The following STX8 variants were observed in gnomAD, a reference collection of about 807,000 sequenced individuals.
STX8 encodes the protein syntaxin 8.
In STX8, 23 loss-of-function variants were observed where a neutral mutation model predicts 37.5. The observed-to-expected ratio is 0.61, with a 90% confidence interval of 0.44 to 0.87. The LOEUF (loss-of-function observed/expected upper bound fraction) is 0.87. STX8 is among the 40% of genes least tolerant of loss of function. STX8 has a pLI of 0.00. For synonymous variants in STX8, 115 were observed against 99.1 expected, an observed-to-expected ratio of 1.16 and a Z score of -0.95; for missense variants, 313 against 284.7, an observed-to-expected ratio of 1.10 and a Z score of -0.71.
At chr17:9,307,132 T>C (rs1007914486) in intron 7 of STX8, among the ~76,000 whole-genome samples, 9 of 152,028 alleles carry the variant, frequency 5.9e-5, no homozygotes, top group Non-Finnish European at 1.3e-4. Context: ...AAAAAATAAA[T>C]AAATAAAGTA....
chr17:9,272,291 C>A (rs964987672), intron 7 of STX8, among the ~76,000 whole-genome samples: 1 of 152,172 alleles, frequency 6.6e-6, no homozygotes, highest in African/African-American at 2.4e-5. Context: ...CCACTAAGGA[C>A]GCTGCCTTCT....
rs142285796 is a variant in STX8, at chr17:9,329,428, G to A, written c.643+49124C>T. ...TAAATCACTCGCTCTCTGGCATCAC[G>A]GCTATTTCTACAGTGCCACTTGGCT... On this transcript the variant is annotated intron_variant, in intron 7 of 7. Coordinates refer to ENST00000306357, the MANE Select transcript of STX8 (RefSeq NM_004853.3). 8.4e-3 allele frequency among the ~76,000 whole-genome samples: 1,284 copies of A among 152,282 alleles called. 11 individuals are homozygous for A. The highest frequency in any genetic ancestry group is 0.013 in the Non-Finnish European group (900 of 68,016).
At chr17:9,293,613 T>A (rs1409388997) in intron 7 of STX8, among the ~76,000 whole-genome samples, 6 of 152,130 alleles carry the variant, frequency 3.9e-5, no homozygotes, top group African/African-American at 1.2e-4. Flanking sequence ...CCAGAAAATG[T>A]TACCATAAAA....
intron 6 of STX8, among the ~76,000 whole-genome samples, chr17:9,408,246 A>T (rs1912864061): frequency 6.6e-6 from 1 of 152,182 alleles, no homozygotes; most frequent in Non-Finnish European, 1.5e-5. Flanking sequence ...TGAATGGAGG[A>T]AACAGCGCTT....
rs945273093 is a variant in STX8 at position 9,564,706 on chromosome 17, G to A, written c.117+3665C>T. Among the ~76,000 whole-genome samples, 38 of 152,180 alleles carry A rather than the reference G, an allele frequency of 2.5e-4. 1 individual carries two copies. The highest frequency in any genetic ancestry group is 2.9e-5 in the Non-Finnish European group (2 of 68,032). On this transcript the variant is annotated intron_variant, in intron 2 of 7. Coordinates refer to ENST00000306357, the MANE Select transcript of STX8 (RefSeq NM_004853.3). The stretch of plus-strand genomic sequence containing the variant: ...AACACTGCTCAAAGAAATCAGAGAT[G>A]ACACAAACAAATGGAAAAACATTCC...
rs935750582 is a variant in STX8, at chr17:9,544,249, C to A, written c.323+923G>T. Reference sequence around the variant, plus strand: ...TCATTGCCTTCTGTGATGGTTCCCACGATGAAGCTAAGGAAGTTCTAGAAA... The same window carrying A: ...TCATTGCCTTCTGTGATGGTTCCCAAGATGAAGCTAAGGAAGTTCTAGAAA... On this transcript the variant is annotated intron_variant, in intron 4 of 7. Coordinates refer to ENST00000306357, the MANE Select transcript of STX8 (RefSeq NM_004853.3). Among the ~76,000 whole-genome samples, 3 of 152,138 alleles carry A rather than the reference C, an allele frequency of 2.0e-5. No individual in the cohort carries two copies. In the South Asian group the frequency reaches 6.2e-4, roughly 32 times the overall value.
intron 7 of STX8, among the ~76,000 whole-genome samples, chr17:9,284,852 C>T (rs888786903): frequency 6.6e-6 from 1 of 152,092 alleles, no homozygotes. Flanking sequence ...TTTCTAGGGG[C>T]CGAAACACGC....
chr17:9,449,282 C>T (rs373259241), intron 6 of STX8, among the ~76,000 whole-genome samples: 280 of 152,280 alleles, frequency 1.8e-3, no homozygotes, highest in African/African-American at 6.4e-3. Context: ...AACAAATTGC[C>T]GGGTGCGGTG....
chr17:9,374,148 C>G (rs542774116), intron 7 of STX8, among the ~76,000 whole-genome samples: 1 of 150,016 alleles, frequency 6.7e-6, no homozygotes, highest in Admixed American at 6.6e-5. Context: ...GCGGCACGAT[C>G]GCGGCTCACT....
At chr17:9,519,567 A>C (rs1289645458) in intron 4 of STX8, among the ~76,000 whole-genome samples, 3 of 151,354 alleles carry the variant, frequency 2.0e-5, no homozygotes, top group African/African-American at 7.3e-5. Context: ...ATCATCCTAC[A>C]CTCTGCTGCA....
intron 7 of STX8, among the ~76,000 whole-genome samples, chr17:9,328,504 A>G (rs1388459843): frequency 1.3e-5 from 2 of 152,148 alleles, no homozygotes; most frequent in African/African-American, 2.4e-5. Context: ...CTTTATGAAT[A>G]ATTCAGGATC....
At chr17:9,483,000 A>G (rs1906411983) in intron 6 of STX8, among the ~76,000 whole-genome samples, 1 of 152,112 alleles carries the variant, frequency 6.6e-6, no homozygotes, top group Non-Finnish European at 1.5e-5. Flanking sequence ...TTCTTAGCAA[A>G]AGGGTGGCTA....
At chr17:9,387,424 TAATGGGACTAC>T (rs1912051620) in intron 6 of STX8, among the ~76,000 whole-genome samples, 1 of 152,128 alleles carries the variant, frequency 6.6e-6, no homozygotes, top group Non-Finnish European at 1.5e-5. Context: ...GCCTCCCGAG[TAATGGGACTAC>T]AGGCGCCCGC....
chr17:9,285,418 A>C (rs1239712575), intron 7 of STX8, among the ~76,000 whole-genome samples: 1 of 151,796 alleles, frequency 6.6e-6, no homozygotes, highest in East Asian at 1.9e-4. Flanking sequence ...AGTGATAAAA[A>C]AAAAAAAAAA....
At chr17:9,536,946 C>G (rs2142553019) in intron 4 of STX8, among the ~76,000 whole-genome samples, 1 of 152,192 alleles carries the variant, frequency 6.6e-6, no homozygotes, top group East Asian at 1.9e-4. Context: ...CGGGGTTTCA[C>G]CATGTTGGCC....
At position 9,378,385 on chromosome 17, in the gene STX8, T is replaced by C. The variant is rs1333938260; in HGVS notation, c.643+167A>G. The stretch of plus-strand genomic sequence containing the variant: ...ATGCCCTTTGAACTCCATTTCATTT[T>C]GACCAGATTTAACCATTGTTTAGCA... On this transcript the variant is annotated intron_variant, in intron 7 of 7. Coordinates refer to ENST00000306357, the MANE Select transcript of STX8 (RefSeq NM_004853.3). 5.1e-6 allele frequency: 3 copies of C among 593,142 alleles called. No homozygotes were observed. The African/African-American group carries it at 5.6e-5, about 11-fold the overall frequency. The allele number at this position is 593,142 out of a possible 1,614,324, so 36.7% of individuals were successfully genotyped here.
At chr17:9,420,423 T>C (rs111858219) in intron 6 of STX8, among the ~76,000 whole-genome samples, 2,627 of 152,252 alleles carry the variant, frequency 0.017, 85 homozygotes, top group African/African-American at 0.059. Context: ...TAGGTGCCTA[T>C]CAGTTCCATT....
At chr17:9,419,274 T>G (rs905939439) in intron 6 of STX8, among the ~76,000 whole-genome samples, 1 of 151,656 alleles carries the variant, frequency 6.6e-6, no homozygotes. Flanking sequence ...TCTCACTATG[T>G]TGAGATCGCC....
chr17:9,267,315 G>A (rs549112059), intron 7 of STX8, among the ~76,000 whole-genome samples: 7 of 152,248 alleles, frequency 4.6e-5, no homozygotes, highest in South Asian at 4.2e-4. Context: ...CATACTACCC[G>A]GCTTATGGTA....
Sources: gnomAD v4.1 joint callset for allele counts (sites outside exome capture counted in the v4.1 genomes callset) on GRCh38, gnomAD v4.1.1 for gene constraint, MANE v1.5 for transcripts, NCBI Gene and HGNC (gene_info 2026-07-23, HGNC 2026-07-21) for gene names.